WRN: variants seen among roughly 807,000 people sequenced by gnomAD.
WRN encodes bifunctional 3'-5' exonuclease/ATP-dependent helicase WRN.
In WRN, 149 loss-of-function variants were observed where a neutral mutation model predicts 180.7. That is an observed-to-expected ratio of 0.82 (90% CI 0.72 to 0.94). The LOEUF is 0.94. Ranked by LOEUF, WRN falls within the 40% of genes least tolerant of loss-of-function variation. The probability of loss-of-function intolerance (pLI) is 0.00; values close to 1 mark genes in which losing one functional copy is unlikely to be tolerated. For missense variants in WRN, 1,661 were observed against 1,700.1 expected, an observed-to-expected ratio of 0.98 and a Z score of 0.40; for synonymous variants, 548 against 568.9, an observed-to-expected ratio of 0.96 and a Z score of 0.52.
chr8:31,150,462 T>C lies in WRN; in HGVS notation c.3687+7T>C. On this transcript the variant is annotated splice_region_variant and intron_variant, in intron 31 of 34. Coordinates refer to ENST00000298139, the MANE Select transcript of WRN (RefSeq NM_000553.6). The stretch of plus-strand genomic sequence containing the variant: ...CCAAACAAATAGTGTTCAGGTAAAA[T>C]ACTGTGGTTTGCAGGAGCTCTTAGA... 6.2e-7 allele frequency: 1 copy of C among 1,613,198 alleles called. No homozygotes were observed. Among genetic ancestry groups the C allele is most frequent in the Non-Finnish European group, 8.5e-7 (1 of 1,179,116 alleles).
Position 31,081,063 on chromosome 8 carries a change from A to T in WRN, c.1036A>T (p.Thr346Ser). The T allele has an allele frequency of 6.2e-7, 1 of 1,614,052 alleles. No homozygotes were observed. The highest frequency in any genetic ancestry group is 2.2e-5 in the East Asian group (1 of 44,840). The change falls in exon 9 of 35, where the codon ACA becomes TCA. Residue 346 changes from threonine (T) to serine (S), a missense_variant. Coordinates refer to ENST00000298139, the MANE Select transcript of WRN (RefSeq NM_000553.6). Reference protein sequence around the residue: ...HEVLIHVEDETWDPTLDHLAK... With the variant: ...HEVLIHVEDESWDPTLDHLAK... The stretch of plus-strand genomic sequence containing the variant: ...AGTTTTAATTCACGTTGAAGATGAA[A>T]CATGGGACCCAACACTTGATCATTT...
intron 1 of WRN, among the ~76,000 whole-genome samples, chr8:31,041,465 C>G (rs1176719089): frequency 6.6e-6 from 1 of 152,142 alleles, no homozygotes; most frequent in Non-Finnish European, 1.5e-5. Context: ...ACAGACACAC[C>G]CAGAATAATG....
chr8:31,107,363 A>G (rs953665095), intron 18 of WRN, among the ~76,000 whole-genome samples: 1 of 152,174 alleles, frequency 6.6e-6, no homozygotes, highest in South Asian at 2.1e-4. Flanking sequence ...AGTTTTAAAT[A>G]TTTTATACAG....
chr8:31,147,604 G>C, intron 30 of WRN, 128 bp downstream of exon 30: 2 of 829,786 alleles, frequency 2.4e-6, no homozygotes, highest in Non-Finnish European at 4.0e-6. Context: ...GATTCCCCCT[G>C]CTGCGATGCT....
chr8:31,141,347 G>A (rs529249932), intron 24 of WRN, 83 bp from the exon 25 acceptor site: 1 of 1,549,912 alleles, frequency 6.5e-7, no homozygotes, highest in Non-Finnish European at 8.8e-7. Context: ...TAAATCCAAA[G>A]AATCAATAGA....
chr8:31,083,322 G>A (rs1168748170), intron 9 of WRN, among the ~76,000 whole-genome samples: 5 of 152,100 alleles, frequency 3.3e-5, no homozygotes, highest in Admixed American at 2.0e-4. Context: ...AACAACTATT[G>A]TTCTTTGTAC....
chr8:31,137,388 A>T (rs1802440563), intron 24 of WRN, among the ~76,000 whole-genome samples: 1 of 152,100 alleles, frequency 6.6e-6, no homozygotes, highest in African/African-American at 2.4e-5. Context: ...TAGTTAGGGA[A>T]CTTAATACCT....
Position 31,100,160 on chromosome 8 carries a change from A to G in WRN, c.1982-689A>G, listed in dbSNP as rs77432134. ...GAAAAATCTGAAAACATTGTCACGG[A>G]TGATTTTACAATAACATCCTTTTCT... On this transcript the variant is annotated intron_variant, in intron 17 of 34. Transcript: ENST00000298139. Among the ~76,000 whole-genome samples the G allele has an allele frequency of 9.0e-3, 1,366 of 152,340 alleles. 22 individuals carry two copies. The highest frequency in any genetic ancestry group is 0.031 in the African/African-American group (1,307 of 41,560).
intron 24 of WRN, among the ~76,000 whole-genome samples, chr8:31,139,541 C>G (rs948931600): frequency 1.3e-5 from 2 of 152,150 alleles, no homozygotes; most frequent in Non-Finnish European, 2.9e-5. Context: ...GAAGCTTCCA[C>G]TATAGCACCT....
At chr8:31,114,054 C>G (rs976448898) in intron 19 of WRN, among the ~76,000 whole-genome samples, 2 of 151,936 alleles carry the variant, frequency 1.3e-5, no homozygotes, top group African/African-American at 4.8e-5. Flanking sequence ...TCCAAGAAGA[C>G]TTAGGATAGC....
chr8:31,128,445 A>G (rs1802012282), intron 23 of WRN, among the ~76,000 whole-genome samples: 1 of 152,194 alleles, frequency 6.6e-6, no homozygotes, highest in Non-Finnish European at 1.5e-5. Flanking sequence ...GTTTCTGTCC[A>G]AAACCCTAAG....
intron 24 of WRN, among the ~76,000 whole-genome samples, chr8:31,133,075 T>G (rs1802248922): frequency 6.6e-6 from 1 of 152,194 alleles, no homozygotes; most frequent in Admixed American, 6.5e-5. Context: ...TTTGGAGTGA[T>G]TGATGTTCCA....
At chr8:31,143,366 C>T (rs918086951) in intron 27 of WRN, among the ~76,000 whole-genome samples, 184 bp from the exon 28 acceptor site, 9 of 152,068 alleles carry the variant, frequency 5.9e-5, no homozygotes, top group African/African-American at 1.4e-4. Context: ...CATTGGAATG[C>T]GTTTCTAACT....
chr8:31,147,488 T>G lies in WRN; in HGVS notation c.3572+12T>G. The G allele has an allele frequency of 6.8e-7, 1 of 1,466,728 alleles. No homozygotes were observed. Among genetic ancestry groups the G allele is most frequent in the Admixed American group, 2.2e-5 (1 of 45,182 alleles). 90.9% of individuals were successfully genotyped at this position (1,466,728 alleles called of 1,614,324 possible). On this transcript the variant is annotated intron_variant, in intron 30 of 34. Coordinates refer to ENST00000298139, the MANE Select transcript of WRN (RefSeq NM_000553.6). ...ATGGCCAAAATGAGGTAAACTATCT[T>G]TTGCATGTGTTCTATTTATTTCCTT...
intron 24 of WRN, among the ~76,000 whole-genome samples, chr8:31,136,383 T>G (rs2130391600): frequency 6.6e-6 from 1 of 152,340 alleles, no homozygotes; most frequent in East Asian, 1.9e-4. Context: ...ATTGCCTTAT[T>G]TTACTGTAGT....
chr8:31,062,783 G>T (rs984729499), intron 3 of WRN, among the ~76,000 whole-genome samples: 5 of 151,948 alleles, frequency 3.3e-5, no homozygotes, highest in Non-Finnish European at 7.4e-5. Context: ...TGTTCTTTCT[G>T]ATTCTCCCTC....
intron 1 of WRN, among the ~76,000 whole-genome samples, chr8:31,057,505 A>T (rs1274693076): frequency 6.6e-6 from 1 of 152,182 alleles, no homozygotes; most frequent in Non-Finnish European, 1.5e-5. Context: ...CAGGAGGCAG[A>T]TCTTGCAGAG....
In WRN at chr8:31,158,765, C is replaced by T. The variant is rs556916823; in HGVS notation, c.3982+1235C>T. On this transcript the variant is annotated intron_variant, in intron 33 of 34. Transcript: ENST00000298139. ...GTGACTTGACTGAAGGTCTAAAGAA[C>T]AAACAGCTCCTTCACTTCCATTGAT... Among the ~76,000 whole-genome samples, 522 of 152,004 alleles carry T rather than the reference C, an allele frequency of 3.4e-3. 3 individuals carry two copies. The highest frequency in any genetic ancestry group is 6.8e-3 in the Middle Eastern group (2 of 292).
rs1166073089 is a variant in WRN, at chr8:31,174,526, A to T, written c.*1424A>T. ...TGAACTAAGTTGGCCTCTTCACGGA[A>T]AACAACTGGTATTTGTTGTGCCAAT... On this transcript the variant is annotated 3_prime_UTR_variant, in exon 35 of 35. Transcript: ENST00000298139. Among the ~76,000 whole-genome samples the T allele has an allele frequency of 9.9e-5, 15 of 152,218 alleles. No homozygotes were observed. The highest frequency in any genetic ancestry group is 9.8e-4 in the Admixed American group (15 of 15,288).
Sources: gnomAD v4.1 joint callset for allele counts (sites outside exome capture counted in the v4.1 genomes callset) on GRCh38, gnomAD v4.1.1 for gene constraint, MANE v1.5 for transcripts, NCBI Gene and HGNC (gene_info 2026-07-23, HGNC 2026-07-21) for gene names.